Variants in ARHGEF1 observed in about 807,000 individuals in gnomAD.
ARHGEF1 encodes Rho guanine nucleotide exchange factor 1.
ARHGEF1 carries 40 observed loss-of-function variants against 119.7 expected under a neutral mutation model. That is an observed-to-expected ratio of 0.33 (90% CI 0.26 to 0.44). The LOEUF is 0.44. Ranked by LOEUF, ARHGEF1 falls within the 20% of genes least tolerant of loss-of-function variation. The pLI, the probability that ARHGEF1 is intolerant of heterozygous loss-of-function variation, is 1.00. For synonymous variants in ARHGEF1, 494 were observed against 521.0 expected, an observed-to-expected ratio of 0.95 and a Z score of 0.71; for missense variants, 976 against 1,268.3, an observed-to-expected ratio of 0.77 and a Z score of 3.50.
rs782064845 is a variant in ARHGEF1 at position 41,892,414 on chromosome 19, G to T, written c.367+41G>T. 3 of 1,613,188 alleles carry T rather than the reference G, an allele frequency of 1.9e-6. No homozygotes were observed. Among genetic ancestry groups the T allele is most frequent in the Non-Finnish European group, 2.5e-6 (3 of 1,179,412 alleles). The stretch of plus-strand genomic sequence containing the variant: ...GGATGAGGGAGAGGTGTCTAGCGGG[G>T]ACCACACCTCCCAGGAGGCCAAGGG... On this transcript the variant is annotated intron_variant, in intron 6 of 28. Transcript: ENST00000354532. This position sits in a 1 kb window ranked among gnomAD's most constrained non-coding sequence, Gnocchi z 6.3.
Position 41,906,904 on chromosome 19 carries a change from T to C in ARHGEF1, c.*17+101T>C. The C allele has an allele frequency of 9.7e-7, 1 of 1,035,878 alleles. No individual in the cohort carries two copies. The highest frequency in any genetic ancestry group is 1.4e-6 in the Non-Finnish European group (1 of 724,438). The allele number at this position is 1,035,878 out of a possible 1,614,324, so 64.2% of individuals were successfully genotyped here. On this transcript the variant is annotated intron_variant, in intron 28 of 28. Coordinates refer to ENST00000354532, the MANE Select transcript of ARHGEF1 (RefSeq NM_004706.4). This position sits in a 1 kb window ranked among gnomAD's most constrained non-coding sequence, Gnocchi z 4.5. Reference sequence around the variant, plus strand: ...CCTTCTGTCCATCTCCCTCTTTGTCTTTTCTGAATCTCCCCACTCCACCTC... The same window carrying C: ...CCTTCTGTCCATCTCCCTCTTTGTCCTTTCTGAATCTCCCCACTCCACCTC...
In ARHGEF1 at chr19:41,903,613, A is replaced by C; in HGVS notation, c.1840-94A>C. 7.3e-7 allele frequency: 1 copy of C among 1,372,434 alleles called. No individual in the cohort carries two copies. The highest frequency in any genetic ancestry group is 1.8e-5 in the Admixed American group (1 of 56,246). 85.0% of individuals were successfully genotyped at this position (1,372,434 alleles called of 1,614,324 possible). On this transcript the variant is annotated intron_variant, in intron 19 of 28. Coordinates refer to ENST00000354532, the MANE Select transcript of ARHGEF1 (RefSeq NM_004706.4). The surrounding 1 kb of genome is among the most constrained non-coding windows in gnomAD (Gnocchi z 4.2). The stretch of plus-strand genomic sequence containing the variant: ...CCAACCCTCAGCTTGCCCGCATCAG[A>C]AGTTGGTCTTGGCTCTCATCTTACC...
At chr19:41,915,443 C>G (rs532842683) in intron 18 of ARHGEF1, among the ~76,000 whole-genome samples, 5 of 151,978 alleles carry the variant, frequency 3.3e-5, no homozygotes, top group South Asian at 4.2e-4. Context: ...CCATGCCTCC[C>G]TGTCTCTTGG....
At position 41,892,594 on chromosome 19, in the gene ARHGEF1, T is replaced by A; in HGVS notation, c.368-9T>A. The A allele has an allele frequency of 6.3e-7, 1 of 1,575,300 alleles. No individual in the cohort carries two copies. The highest frequency in any genetic ancestry group is 8.7e-7 in the Non-Finnish European group (1 of 1,155,438). ...AGCTGGACCCTAGCCCCCATGTGTG[T>A]CCCTGCAGACCGCACTAGGGCTGAC... On this transcript the variant is annotated splice_polypyrimidine_tract_variant and intron_variant, in intron 6 of 28. Coordinates refer to ENST00000354532, the MANE Select transcript of ARHGEF1 (RefSeq NM_004706.4). This position sits in a 1 kb window ranked among gnomAD's most constrained non-coding sequence, Gnocchi z 6.3.
intron 8 of ARHGEF1, 76 bp from the exon 9 acceptor site, chr19:41,894,123 AGTGTGTGT>A (rs782565114): frequency 1.5e-6 from 1 of 648,250 alleles, no homozygotes; most frequent in African/African-American, 3.5e-5. Context: ...AGAGAGAGAG[AGTGTGTGT>A]GTGAGTGTGT....
At chr19:41,908,456 G>A (rs2074731716), downstream of ARHGEF1, 16 of 1,231,202 alleles carry the variant, frequency 1.3e-5, no homozygotes, top group Non-Finnish European at 1.4e-5. The surrounding 1 kb of genome is among the most constrained non-coding windows in gnomAD (Gnocchi z 6.7). Flanking sequence ...CCCCTGTCGA[G>A]GCCAGCAGGG....
chr19:41,920,550 C>T (rs1555852391), upstream of ARHGEF1, among the ~76,000 whole-genome samples: 2 of 151,932 alleles, frequency 1.3e-5, no homozygotes, highest in African/African-American at 2.4e-5. Context: ...AGACAGGACA[C>T]GCCCAGATGT....
chr19:41,923,341 A>G (rs1231168692), intron 1 of ARHGEF1: 1 of 360,154 alleles, frequency 2.8e-6, no homozygotes, highest in Non-Finnish European at 5.5e-6. Context: ...CACAGAGTCC[A>G]GGATATGGAG....
At chr19:41,897,539 G>T in intron 13 of ARHGEF1, 1 of 308,860 alleles carries the variant, frequency 3.2e-6, no homozygotes, top group Non-Finnish European at 6.2e-6. Flanking sequence ...AAGGGAGGGG[G>T]TCAGTCCTAT....
chr19:41,914,868 CTGT>C lies in ARHGEF1; in HGVS notation c.1865+8066_1865+8068del, dbSNP rs1555851745. On this transcript the variant is annotated intron_variant, in intron 18 of 20. Transcript: ENST00000599589. ...CTGTCTCTCCCCCCCTCCACCATCTCTGTCTCTCCCTCCCCTCCATCATCTCTG... is the reference window on the plus strand; with the variant it reads ...CTGTCTCTCCCCCCCTCCACCATCTCCTCTCCCTCCCCTCCATCATCTCTG... 5.1e-5 allele frequency among the ~76,000 whole-genome samples: 3 copies of C among 59,316 alleles called. 1 individual carries two copies. Among genetic ancestry groups the C allele is most frequent in the South Asian group, 8.7e-4 (1 of 1,150 alleles). The allele number at this position is 59,316 out of a possible 152,430, so 38.9% of individuals were successfully genotyped here.
In ARHGEF1 at chr19:41,904,137, C is replaced by G; in HGVS notation, c.1993+27C>G. ...TGAGTGCCAGAGCAGCTGCCTAGTG[C>G]AGGGTGTTGGGGCAGTGAGCCAAGG... On this transcript the variant is annotated intron_variant, in intron 21 of 28. Transcript: ENST00000354532. This position sits in a 1 kb window ranked among gnomAD's most constrained non-coding sequence, Gnocchi z 8.4. The G allele has an allele frequency of 1.9e-6, 3 of 1,614,146 alleles. No homozygotes were observed. Among genetic ancestry groups the G allele is most frequent in the Non-Finnish European group, 1.7e-6 (2 of 1,179,986 alleles).
Position 41,907,217 on chromosome 19 carries a change from C to G in ARHGEF1, c.*130C>G. The G allele has an allele frequency of 1.3e-6, 2 of 1,518,786 alleles. No homozygotes were observed. The highest frequency in any genetic ancestry group is 1.8e-6 in the Non-Finnish European group (2 of 1,138,654). The allele number at this position is 1,518,786 out of a possible 1,614,324, so 94.1% of individuals were successfully genotyped here. A position where few individuals can be genotyped will look rare whatever the true frequency, so the allele number is the denominator to read the frequency against. On this transcript the variant is annotated 3_prime_UTR_variant, in exon 29 of 29. Coordinates refer to ENST00000354532, the MANE Select transcript of ARHGEF1 (RefSeq NM_004706.4). ...GGCCTGAGGAGAGGGAGCTGTGGGCCACGCCTGGGAGGGGCCCAGCTGGGG... is the reference window on the plus strand; with the variant it reads ...GGCCTGAGGAGAGGGAGCTGTGGGCGACGCCTGGGAGGGGCCCAGCTGGGG...
Position 41,902,088 on chromosome 19 carries a change from G to C in ARHGEF1, c.1414+55G>C. 6.2e-7 allele frequency: 1 copy of C among 1,602,924 alleles called. No homozygotes were observed. The highest frequency in any genetic ancestry group is 8.5e-7 in the Non-Finnish European group (1 of 1,173,378). On this transcript the variant is annotated intron_variant, in intron 15 of 28. Coordinates refer to ENST00000354532, the MANE Select transcript of ARHGEF1 (RefSeq NM_004706.4). This position sits in a 1 kb window ranked among gnomAD's most constrained non-coding sequence, Gnocchi z 6.5. ...ACCCCACTGCCCCACGGGCAGCTCT[G>C]CTCTAGCCCTGGGTTCAACCTGCTC...
Position 41,892,792 on chromosome 19 carries a change from ACGAGGCCCGGGAGCGGCACGTGGCGGAG to A in ARHGEF1, c.560_587del (p.Glu187GlyfsTer54). ...TGGGTTGGGCGGGACCGAGCCAGCTACGAGGCCCGGGAGCGGCACGTGGCGGAGCGGCTGCTCATGCACCTGGAGGAGA... is the reference window on the plus strand; with the variant it reads ...TGGGTTGGGCGGGACCGAGCCAGCTACGGCTGCTCATGCACCTGGAGGAGA... On this transcript the variant is annotated frameshift_variant, in exon 7 of 29. Transcript: ENST00000354532. LOFTEE classifies it high-confidence loss of function. This position sits in a 1 kb window ranked among gnomAD's most constrained non-coding sequence, Gnocchi z 6.3. The A allele has an allele frequency of 5.0e-6, 8 of 1,598,614 alleles. No individual in the cohort carries two copies. The highest frequency in any genetic ancestry group is 6.8e-6 in the Non-Finnish European group (8 of 1,175,036).
In ARHGEF1 at chr19:41,903,407, G is replaced by A. The variant is rs1239361154; in HGVS notation, c.1839G>A (p.Leu613=). 1.2e-6 allele frequency: 2 copies of A among 1,613,636 alleles called. No individual in the cohort carries two copies. Among genetic ancestry groups the A allele is most frequent in the Non-Finnish European group, 1.7e-6 (2 of 1,179,948 alleles). The change falls in exon 19 of 29, where the codon CTG becomes CTA. Residue 613 remains leucine, a splice_region_variant and synonymous_variant. Coordinates refer to ENST00000354532, the MANE Select transcript of ARHGEF1 (RefSeq NM_004706.4). The surrounding 1 kb of genome is among the most constrained non-coding windows in gnomAD (Gnocchi z 4.2). ...NQAVRDMEDL[L]RLKDYQRRLD... Reference sequence around the variant, plus strand: ...CCGTGCGTGACATGGAGGACCTGCTGGTGAGCCTGGGCTGGCCCCACACCC... The same window carrying A: ...CCGTGCGTGACATGGAGGACCTGCTAGTGAGCCTGGGCTGGCCCCACACCC...
intron 13 of ARHGEF1, 111 bp downstream of exon 13, chr19:41,896,593 A>G (rs1555847696): frequency 1.2e-6 from 1 of 845,884 alleles, no homozygotes; most frequent in Admixed American, 2.0e-5. Flanking sequence ...CTTGCTCCCC[A>G]TGCTCCTCTG....
Position 41,905,182 on chromosome 19 carries a change from G to A in ARHGEF1, c.2257G>A (p.Ala753Thr). The change falls in exon 24 of 29, where the codon GCT becomes ACT. Residue 753 changes from alanine (A) to threonine (T), a missense_variant. By Grantham distance (58) the Ala-to-Thr change is moderately conservative. Around this residue, in one of 3 missense-constraint regions of ARHGEF1, gnomAD observed 286 missense variants for 506.8 expected, o/e 0.56. Coordinates refer to ENST00000354532, the MANE Select transcript of ARHGEF1 (RefSeq NM_004706.4). The surrounding 1 kb of genome is among the most constrained non-coding windows in gnomAD (Gnocchi z 6.4). ...QTVSERKNWC[A>T]LITETAGSLK... ...TTTGGCCTTTCTCCCCAGCTGGTGTGCTCTCATCACTGAGACTGCCGGATC... is the reference window on the plus strand; with the variant it reads ...TTTGGCCTTTCTCCCCAGCTGGTGTACTCTCATCACTGAGACTGCCGGATC... 3 of 1,614,008 alleles carry A rather than the reference G, an allele frequency of 1.9e-6. No individual in the cohort carries two copies. The highest frequency in any genetic ancestry group is 1.7e-4 in the Middle Eastern group (1 of 6,058).
In ARHGEF1 at chr19:41,904,981, G is replaced by T; in HGVS notation, c.2194G>T (p.Asp732Tyr). Reference protein sequence around the residue: ...HKAFYVLFTWDQEAQIYELVA... With the variant: ...HKAFYVLFTWYQEAQIYELVA... ...AGCCTTCTACGTCCTTTTTACCTGG[G>T]ACCAGGAGGCCCAGATATACGAGCT... The change falls in exon 23 of 29, where the codon GAC (aspartate) becomes TAC (tyrosine). Residue 732 changes from aspartate to tyrosine, a missense_variant. Asp to Tyr is a radical substitution (Grantham distance 160). Transcript: ENST00000354532. This position sits in a 1 kb window ranked among gnomAD's most constrained non-coding sequence, Gnocchi z 8.4. 4 of 1,614,142 alleles carry T rather than the reference G, an allele frequency of 2.5e-6. No individual in the cohort carries two copies. Among genetic ancestry groups the T allele is most frequent in the Non-Finnish European group, 3.4e-6 (4 of 1,179,998 alleles).
chr19:41,896,658 C>T, intron 13 of ARHGEF1, 176 bp downstream of exon 13: 1 of 704,934 alleles, frequency 1.4e-6, no homozygotes, highest in African/African-American at 1.7e-5. Flanking sequence ...TCTCATCTCC[C>T]TCCTGCTTCC....
Sources: allele counts gnomAD v4.1 joint callset (sites outside exome capture counted in the v4.1 genomes callset), GRCh38; gene constraint gnomAD v4.1.1; regional missense constraint gnomAD v4.1.1; non-coding constraint Gnocchi (gnomAD v3.1); transcripts MANE v1.5; gene names NCBI Gene and HGNC (gene_info 2026-07-23, HGNC 2026-07-21).